Variants in RANBP2 observed in about 807,000 individuals in gnomAD.
RANBP2 encodes RAN binding protein 2, also known as E3 SUMO-protein ligase RanBP2.
In RANBP2, 57 loss-of-function variants were observed where a neutral mutation model predicts 303.6. The ratio of observed to expected loss-of-function variants is 0.19; its 90% CI spans 0.15 to 0.23. The LOEUF (loss-of-function observed/expected upper bound fraction) is 0.23, where lower values mean the gene tolerates loss of function less well. Among genes scored for constraint, RANBP2 ranks in the 10% least tolerant of loss-of-function variants. The pLI, the probability that RANBP2 is intolerant of heterozygous loss-of-function variation, is 1.00. For synonymous variants in RANBP2, 1,167 were observed against 1,301.5 expected, an observed-to-expected ratio of 0.90 and a Z score of 2.23; for missense variants, 3,138 against 3,780.8, an observed-to-expected ratio of 0.83 and a Z score of 4.46.
chr2:108,973,508 A>T, the RANBP2 span, among the ~76,000 whole-genome samples: 3 of 152,158 alleles, frequency 2.0e-5, no homozygotes, highest in Admixed American at 1.3e-4. Context: ...CAAGGGCCTG[A>T]ACCCTGGCAG....
At chr2:108,921,431 G>A in the RANBP2 span, among the ~76,000 whole-genome samples, 2 of 152,190 alleles carry the variant, frequency 1.3e-5, no homozygotes, top group Non-Finnish European at 2.9e-5. Flanking sequence ...TTTGTTTGGC[G>A]AGGGCCCAGG....
chr2:109,499,755 A>AG, the RANBP2 span, among the ~76,000 whole-genome samples: 5 of 152,128 alleles, frequency 3.3e-5, no homozygotes, highest in African/African-American at 1.2e-4. Flanking sequence ...ATAGCAGAGC[A>AG]GGGGGGTGTG....
the RANBP2 span, among the ~76,000 whole-genome samples, chr2:109,539,687 G>A: frequency 2.6e-5 from 4 of 152,060 alleles, no homozygotes; most frequent in Admixed American, 6.6e-5. Flanking sequence ...CAGGTGATCC[G>A]CCCACCTTGC....
the RANBP2 span, chr2:109,613,066 A>C: frequency 1.7e-6 from 1 of 587,872 alleles, no homozygotes; most frequent in Non-Finnish European, 2.9e-6. Flanking sequence ...GTTTTTAAGA[A>C]TACACAGGCA....
chr2:108,938,634 A>G, the RANBP2 span, among the ~76,000 whole-genome samples: 1 of 152,152 alleles, frequency 6.6e-6, no homozygotes, highest in Non-Finnish European at 1.5e-5. Context: ...ATCTTGTCGA[A>G]CTGACAAGCT....
chr2:109,656,941 T>C, the RANBP2 span, among the ~76,000 whole-genome samples: 1 of 151,950 alleles, frequency 6.6e-6, no homozygotes, highest in East Asian at 1.9e-4. Flanking sequence ...CAGCCCCCAA[T>C]GGAGAAGGGA....
At chr2:108,876,010 A>G in the RANBP2 span, 4 of 875,370 alleles carry the variant, frequency 4.6e-6, no homozygotes, top group Non-Finnish European at 6.8e-6. Context: ...ATGTTTACAC[A>G]TAAATTATCT....
chr2:109,648,387 T>C, the RANBP2 span, among the ~76,000 whole-genome samples: 1 of 152,146 alleles, frequency 6.6e-6, no homozygotes, highest in Non-Finnish European at 1.5e-5. Flanking sequence ...GTTTCACTCT[T>C]GTTGCCCAGG....
chr2:109,141,187 C>T, the RANBP2 span, among the ~76,000 whole-genome samples: 1 of 152,210 alleles, frequency 6.6e-6, no homozygotes, highest in Non-Finnish European at 1.5e-5. Flanking sequence ...TGTCTCCCTT[C>T]TGTGCAGTTT....
chr2:108,877,146 G>T, the RANBP2 span, among the ~76,000 whole-genome samples: 24 of 152,256 alleles, frequency 1.6e-4, no homozygotes, highest in East Asian at 4.6e-3. Flanking sequence ...AACAGGCCAA[G>T]GTGAGAATGG....
chr2:109,562,924 TC>T, the RANBP2 span, among the ~76,000 whole-genome samples: 1 of 152,094 alleles, frequency 6.6e-6, no homozygotes, highest in Admixed American at 6.5e-5. Flanking sequence ...TTTTTTTTTT[TC>T]TTTGAGATGG....
At chr2:108,855,224 G>A in the RANBP2 span, among the ~76,000 whole-genome samples, 1 of 152,048 alleles carries the variant, frequency 6.6e-6, no homozygotes, top group South Asian at 2.1e-4. Flanking sequence ...AAAAGATAAG[G>A]TCACTTGTGA....
chr2:109,447,125 C>T, the RANBP2 span, among the ~76,000 whole-genome samples: 1 of 141,462 alleles, frequency 7.1e-6, no homozygotes, highest in Non-Finnish European at 1.5e-5. Context: ...AAGTTTCCAA[C>T]CCAGCTGAAG....
chr2:108,778,880 C>T (rs1052694290), intron 25 of RANBP2, among the ~76,000 whole-genome samples: 15 of 152,098 alleles, frequency 9.9e-5, no homozygotes, highest in African/African-American at 3.6e-4. Context: ...AGGTGTGTAC[C>T]ACCATGCCTA....
At chr2:109,123,313 T>C in the RANBP2 span, among the ~76,000 whole-genome samples, 1 of 141,564 alleles carries the variant, frequency 7.1e-6, no homozygotes, top group South Asian at 2.3e-4. Context: ...CTGTGGCTTT[T>C]CTTTCTTTCC....
the RANBP2 span, among the ~76,000 whole-genome samples, chr2:108,832,484 A>T: frequency 1.3e-5 from 2 of 150,852 alleles, no homozygotes; most frequent in South Asian, 4.2e-4. Context: ...AGTAGCTGGG[A>T]TTACAGGCAT....
chr2:109,591,859 T>C, the RANBP2 span, among the ~76,000 whole-genome samples: 1 of 152,048 alleles, frequency 6.6e-6, no homozygotes, highest in African/African-American at 2.4e-5. Flanking sequence ...ATTGCACCAC[T>C]GCACTCCAGC....
the RANBP2 span, among the ~76,000 whole-genome samples, chr2:108,938,923 G>T: frequency 2.6e-5 from 4 of 151,604 alleles, no homozygotes; most frequent in South Asian, 8.4e-4. Context: ...GCGACTACAG[G>T]CACCCGCCAC....
chr2:109,614,532 C>G, the RANBP2 span: 3 of 1,286,720 alleles, frequency 2.3e-6, no homozygotes, highest in African/African-American at 1.6e-5. Flanking sequence ...GGCGCTGGGC[C>G]CCGAGGCGGT....
Sources: gnomAD v4.1 joint callset for allele counts (sites outside exome capture counted in the v4.1 genomes callset) on GRCh38, gnomAD v4.1.1 for gene constraint, MANE v1.5 for transcripts, NCBI Gene and HGNC (gene_info 2026-07-23, HGNC 2026-07-21) for gene names.